The following LGR5 variants were observed in gnomAD, a reference collection of about 807,000 sequenced individuals.
The protein encoded by LGR5 is leucine rich repeat containing G protein-coupled receptor 5.
A neutral mutation model predicts 76.7 loss-of-function variants in LGR5; 54 were observed. That is an observed-to-expected ratio of 0.70 (90% CI 0.57 to 0.88). The LOEUF (loss-of-function observed/expected upper bound fraction) is 0.88, where lower values mean the gene tolerates loss of function less well. Ranked by LOEUF, LGR5 falls within the 40% of genes least tolerant of loss-of-function variation. The pLI, the probability that LGR5 is intolerant of heterozygous loss-of-function variation, is 0.00. For missense variants in LGR5, 1,078 were observed against 1,073.3 expected (o/e 1.00, Z -0.06); for synonymous variants, 406 against 421.9 (o/e 0.96, Z 0.46).
At chr12:71,496,954 G>T (rs1047101836) in intron 1 of LGR5, among the ~76,000 whole-genome samples, 7 of 152,136 alleles carry the variant, frequency 4.6e-5, no homozygotes, top group Non-Finnish European at 8.8e-5. Context: ...ACATGAGGGG[G>T]TTCTGAGGTG....
At chr12:71,465,393 C>G (rs771477200) in intron 1 of LGR5, among the ~76,000 whole-genome samples, 3 of 152,164 alleles carry the variant, frequency 2.0e-5, no homozygotes, top group Non-Finnish European at 2.9e-5. Context: ...TTTTTCTTTT[C>G]CATTTTCCTG....
At position 71,572,016 on chromosome 12, in the gene LGR5, A is replaced by T. The variant is rs140111193; in HGVS notation, c.1136+437A>T. Among the ~76,000 whole-genome samples, 369 of 151,504 alleles carry T rather than the reference A, an allele frequency of 2.4e-3. 1 individual carries two copies. The highest frequency in any genetic ancestry group is 8.3e-3 in the African/African-American group (343 of 41,288). The stretch of plus-strand genomic sequence containing the variant: ...ATTTGTCATATTTAAAGTGCTACAG[A>T]TGGTACTTATGCATGAAACTCTTTA... On this transcript the variant is annotated intron_variant, in intron 12 of 17. Coordinates refer to ENST00000266674, the MANE Select transcript of LGR5 (RefSeq NM_003667.4).
At chr12:71,545,855 A>G (rs1249994350) in intron 4 of LGR5, among the ~76,000 whole-genome samples, 1 of 152,206 alleles carries the variant, frequency 6.6e-6, no homozygotes, top group East Asian at 1.9e-4. Context: ...TCTTTACAAT[A>G]ACACCATTTA....
chr12:71,540,914 G>C (rs1433612337), intron 4 of LGR5, among the ~76,000 whole-genome samples: 2 of 152,168 alleles, frequency 1.3e-5, no homozygotes, highest in Non-Finnish European at 2.9e-5. Flanking sequence ...CACTAAAATA[G>C]TCTCCAGAAA....
At chr12:71,570,894 T>C (rs1565769814) in intron 11 of LGR5, among the ~76,000 whole-genome samples, 1 of 152,228 alleles carries the variant, frequency 6.6e-6, no homozygotes, top group Non-Finnish European at 1.5e-5. Flanking sequence ...TATATATCTA[T>C]GTTACGTTAT....
rs753577779 is a variant in LGR5, at chr12:71,584,715, C to T, written c.2705C>T (p.Ala902Val). 1.9e-6 allele frequency: 3 copies of T among 1,611,452 alleles called. No homozygotes were observed. The highest frequency in any genetic ancestry group is 1.7e-5 in the Admixed American group (1 of 59,928). The change falls in exon 18 of 18, where the codon GCA becomes GTA. Residue 902 changes from alanine (A) to valine (V), a missense_variant. Physicochemically the swap from Ala to Val is moderately conservative, Grantham distance 64. Transcript: ENST00000266674. ...GAGAGCTGCCATCTTTCCTCTGTGG[C>T]ATTTGTCCCATGTCTCTAATTAATA... is the stretch of plus-strand genomic sequence containing the variant. ...VTESCHLSSV[A>V]FVPCL
intron 2 of LGR5, among the ~76,000 whole-genome samples, chr12:71,518,039 C>T (rs116802729): frequency 0.051 from 7,714 of 152,196 alleles, 198 homozygotes; most frequent in Middle Eastern, 0.065. Context: ...GTCCCTCCTG[C>T]GCTTCCACTC....
intron 11 of LGR5, among the ~76,000 whole-genome samples, chr12:71,570,670 T>C (rs1344071790): frequency 6.6e-6 from 1 of 152,188 alleles, no homozygotes; most frequent in Non-Finnish European, 1.5e-5. Flanking sequence ...GTACTATTTA[T>C]GCGGAGTAAA....
intron 2 of LGR5, among the ~76,000 whole-genome samples, chr12:71,507,307 A>T (rs1874904812): frequency 6.6e-6 from 1 of 152,074 alleles, no homozygotes. Flanking sequence ...TGCATGGTTT[A>T]TTTGCGCTTT....
At position 71,472,923 on chromosome 12, in the gene LGR5, C is replaced by T. The variant is rs564296013; in HGVS notation, c.213-31691C>T. On this transcript the variant is annotated intron_variant, in intron 1 of 17. Transcript: ENST00000266674. ...CTATGATCAAAAAGGACAATGCAAA[C>T]CTAATCCTAAGTGGATAGTAGAATT... is the stretch of plus-strand genomic sequence containing the variant. Among the ~76,000 whole-genome samples, 3 of 152,250 alleles carry T rather than the reference C, an allele frequency of 2.0e-5. No individual in the cohort carries two copies. In the East Asian group the frequency reaches 5.8e-4, roughly 29 times the overall value.
intron 1 of LGR5, among the ~76,000 whole-genome samples, chr12:71,494,117 A>G (rs915230014): frequency 5.4e-5 from 8 of 148,972 alleles, no homozygotes; most frequent in Non-Finnish European, 1.2e-4. Flanking sequence ...CTAATTTTTT[A>G]TACTTTTTTT....
chr12:71,552,457 C>T (rs1565748015), intron 4 of LGR5, among the ~76,000 whole-genome samples: 2 of 151,322 alleles, frequency 1.3e-5, no homozygotes, highest in Admixed American at 1.3e-4. Context: ...CCCAGCTACT[C>T]GAGAGGCTGA....
At chr12:71,503,891 A>G (rs1019539590) in intron 1 of LGR5, among the ~76,000 whole-genome samples, 1 of 151,082 alleles carries the variant, frequency 6.6e-6, no homozygotes, top group Non-Finnish European at 1.5e-5. Context: ...AATAGGGGGG[A>G]AAAAAACAGA....
chr12:71,579,531 G>A (rs535294290), intron 15 of LGR5, among the ~76,000 whole-genome samples: 2 of 152,200 alleles, frequency 1.3e-5, no homozygotes, highest in African/African-American at 2.4e-5. Context: ...CATAGTTGGT[G>A]TTTATATTTA....
rs372893189 is a variant in LGR5 at position 71,572,794 on chromosome 12, T to C, written c.1137-56T>C. ...CCCTCTATAAAAGTTATCTGAAGTC[T>C]GTAGTCTTTGAAACCAGTAACTTTG... On this transcript the variant is annotated intron_variant, in intron 12 of 17. Coordinates refer to ENST00000266674, the MANE Select transcript of LGR5 (RefSeq NM_003667.4). 317 of 1,337,264 alleles carry C rather than the reference T, an allele frequency of 2.4e-4. 1 individual carries two copies. Among genetic ancestry groups the C allele is most frequent in the Non-Finnish European group, 8.3e-5 (77 of 929,638 alleles). The allele number at this position is 1,337,264 out of a possible 1,614,324, so 82.8% of individuals were successfully genotyped here. A position where few individuals can be genotyped will look rare whatever the true frequency, so the allele number is the denominator to read the frequency against.
chr12:71,500,213 T>C (rs915505642), intron 1 of LGR5, among the ~76,000 whole-genome samples: 4 of 152,146 alleles, frequency 2.6e-5, no homozygotes, highest in African/African-American at 9.7e-5. Context: ...AAAGATACTG[T>C]CTGCTGGGAT....
chr12:71,567,269 C>A lies in LGR5; in HGVS notation c.1070+357C>A, dbSNP rs190935426. 3.8e-5 allele frequency: 8 copies of A among 208,652 alleles called. No individual in the cohort carries two copies. The East Asian group carries it at 8.6e-4, about 22-fold the overall frequency. The allele number at this position is 208,652 out of a possible 1,614,324, so 12.9% of individuals were successfully genotyped here. On this transcript the variant is annotated intron_variant, in intron 11 of 17. Coordinates refer to ENST00000266674, the MANE Select transcript of LGR5 (RefSeq NM_003667.4). Reference sequence around the variant, plus strand: ...ATGGATCAACCACCCAATATGGATGCCAAAATCAAAAACTGAGATCTCAGA... The same window carrying A: ...ATGGATCAACCACCCAATATGGATGACAAAATCAAAAACTGAGATCTCAGA...
intron 4 of LGR5, among the ~76,000 whole-genome samples, chr12:71,552,437 C>T (rs745844763): frequency 6.6e-6 from 1 of 151,758 alleles, no homozygotes; most frequent in Non-Finnish European, 1.5e-5. Context: ...TGGTGGCAGA[C>T]GCCTGTAATC....
intron 3 of LGR5, among the ~76,000 whole-genome samples, chr12:71,531,855 G>A (rs908226742): frequency 1.1e-4 from 17 of 152,112 alleles, no homozygotes; most frequent in Admixed American, 9.2e-4. Flanking sequence ...GCGACAGAGT[G>A]AGACCCTGTC....
Sources: gnomAD v4.1 joint callset for allele counts (sites outside exome capture counted in the v4.1 genomes callset) on GRCh38, gnomAD v4.1.1 for gene constraint, MANE v1.5 for transcripts, NCBI Gene and HGNC (gene_info 2026-07-23, HGNC 2026-07-21) for gene names.